SULT1A1: variants seen among roughly 807,000 people sequenced by gnomAD.
SULT1A1 encodes sulfotransferase 1A1.
A neutral mutation model predicts 36.8 loss-of-function variants in SULT1A1; 35 were observed. That is an observed-to-expected ratio of 0.95 (90% CI 0.73 to 1.26). The LOEUF (loss-of-function observed/expected upper bound fraction) is 1.26, where lower values mean the gene tolerates loss of function less well. SULT1A1 is among the 50% of genes most tolerant of loss of function. The probability of loss-of-function intolerance (pLI) is 0.00; values close to 1 mark genes in which losing one functional copy is unlikely to be tolerated. For synonymous variants in SULT1A1, 119 were observed against 146.0 expected (o/e 0.82, Z 1.33); for missense variants, 309 against 383.0 (o/e 0.81, Z 1.61).
In SULT1A1 at chr16:28,608,746, C is replaced by A. The variant is rs72547527; in HGVS notation, c.110G>T (p.Arg37Leu). 2 of 1,612,890 alleles carry A rather than the reference C, an allele frequency of 1.2e-6. No individual in the cohort carries two copies. The highest frequency in any genetic ancestry group is 1.7e-6 in the Non-Finnish European group (2 of 1,179,408). ...ALGPLQSFQARPDDLLISTYP... is the reference protein window; with the variant it reads ...ALGPLQSFQALPDDLLISTYP... Reference sequence around the variant, plus strand: ...GGTGCTGATGAGCAGGTCATCAGGCCGGGCCTGGAAGCTCTGCAGGGGCCC... The same window carrying A: ...GGTGCTGATGAGCAGGTCATCAGGCAGGGCCTGGAAGCTCTGCAGGGGCCC... Residue 37 changes from arginine to leucine, a missense_variant, in exon 2 of 8, where the codon CGG becomes CTG. Transcript: ENST00000314752.
At chr16:28,623,288 C>T (rs2047695109) in exon 1 of SULT1A1, 5 of 1,539,904 alleles carry the variant, frequency 3.2e-6, no homozygotes, top group South Asian at 1.2e-5. Context: ...CCAACGTGGC[C>T]ACGCGCCGCG....
intron 4 of SULT1A1, chr16:28,608,083 G>A (rs2047287963): frequency 1.4e-6 from 1 of 706,426 alleles, no homozygotes; most frequent in Admixed American, 3.1e-5. Flanking sequence ...CTTCTCCCGG[G>A]TTCAAGTGAT....
rs41278154 is a variant in SULT1A1 at position 28,608,751 on chromosome 16, C to T, written c.105G>A (p.Gln35=). The T allele has an allele frequency of 6.8e-5, 109 of 1,612,704 alleles. 1 individual carries two copies. The highest frequency in any genetic ancestry group is 3.5e-4 in the Middle Eastern group (2 of 5,742). ...TGATGAGCAGGTCATCAGGCCGGGCCTGGAAGCTCTGCAGGGGCCCCAGTG... is the reference window on the plus strand; with the variant it reads ...TGATGAGCAGGTCATCAGGCCGGGCTTGGAAGCTCTGCAGGGGCCCCAGTG... ...AEALGPLQSF[Q]ARPDDLLIST... The change falls in exon 2 of 8, where the codon CAG becomes CAA. Residue 35 remains glutamine, a synonymous_variant. Transcript: ENST00000314752.
chr16:28,623,115 C>CG, intron 1 of SULT1A1: 1 of 1,524,018 alleles, frequency 6.6e-7, no homozygotes, highest in Non-Finnish European at 8.8e-7. Flanking sequence ...CCCAGGTTCC[C>CG]CCCCCGGCCC....
rs779823375 is a variant in SULT1A1, at chr16:28,609,962, C to A, written c.-36G>T. On this transcript the variant is annotated 5_prime_UTR_variant, in exon 1 of 8. Coordinates refer to ENST00000314752, the MANE Select transcript of SULT1A1 (RefSeq NM_001055.4). ...TCTTGGGAACCTGGCCTCGTGCCCT[C>A]CTCGCCCGCAGTGGCTGATTGTGGG... The A allele has an allele frequency of 7.8e-7, 1 of 1,288,180 alleles. No homozygotes were observed. The highest frequency in any genetic ancestry group is 1.0e-6 in the Non-Finnish European group (1 of 987,548). The allele number at this position is 1,288,180 out of a possible 1,614,324, so 79.8% of individuals were successfully genotyped here.
chr16:28,622,071 G>C (rs1048725016), intron 1 of SULT1A1, among the ~76,000 whole-genome samples: 1 of 152,190 alleles, frequency 6.6e-6, no homozygotes, highest in Non-Finnish European at 1.5e-5. Flanking sequence ...AGAAGCTATA[G>C]CTTCATGACT....
intron 1 of SULT1A1, among the ~76,000 whole-genome samples, chr16:28,622,083 T>TAACCTATGC (rs2047667580): frequency 6.6e-6 from 1 of 152,158 alleles, no homozygotes; most frequent in African/African-American, 2.4e-5. Context: ...TTCATGACTA[T>TAACCTATGC]AACCTATGCA....
rs1451165246 is a variant in SULT1A1 at position 28,608,274 on chromosome 16, A to G, written c.372+17T>C. 1.9e-6 allele frequency: 3 copies of G among 1,611,650 alleles called. No individual in the cohort carries two copies. In the South Asian group the frequency reaches 3.3e-5, roughly 18 times the overall value. On this transcript the variant is annotated intron_variant, in intron 4 of 7. Transcript: ENST00000314752. ...AGTGCTGGGATTATGGATGTGAAAC[A>G]CTGTGCCCTGCCTCACCTTGACCTT...
At chr16:28,608,098 C>G (rs538160104) in intron 4 of SULT1A1, 193 bp downstream of exon 4, 72 of 786,666 alleles carry the variant, frequency 9.2e-5, no homozygotes, top group Non-Finnish European at 1.4e-4. Context: ...AGTGATTCTC[C>G]TGTCTCAGGC....
At chr16:28,620,563 C>CAAAAAAAAAAAAAAAAAAAAA (rs5816469) in intron 1 of SULT1A1, among the ~76,000 whole-genome samples, 1 of 90,840 alleles carries the variant, frequency 1.1e-5, no homozygotes, top group Non-Finnish European at 2.2e-5. Context: ...GACCCTGTCT[C>CAAAAAAAAAAAAAAAAAAAAA]AAAAAAAAAA....
chr16:28,623,086 C>T (rs756781109), intron 1 of SULT1A1: 3 of 1,465,840 alleles, frequency 2.0e-6, no homozygotes, highest in Non-Finnish European at 2.8e-6. Flanking sequence ...CCTCCAGTCC[C>T]CCAATACTGG....
chr16:28,617,935 T>C (rs1267363673), intron 2 of SULT1A1, among the ~76,000 whole-genome samples: 1 of 152,188 alleles, frequency 6.6e-6, no homozygotes, highest in Non-Finnish European at 1.5e-5. Context: ...TGAGACTCAC[T>C]CATTGTAACC....
intron 1 of SULT1A1, among the ~76,000 whole-genome samples, chr16:28,620,426 T>A: frequency 6.6e-6 from 1 of 151,164 alleles, no homozygotes. Flanking sequence ...ATTAGCCAGG[T>A]GTGGTGGTGT....
upstream of SULT1A1, chr16:28,610,262 CTGTTTTTTTTTT>C: frequency 3.8e-5 from 9 of 239,676 alleles, no homozygotes; most frequent in Non-Finnish European, 4.9e-5. Flanking sequence ...TTTTTTTTTT[CTGTTTTTTTTTT>C]TTTTTTTTTT....
chr16:28,617,189 T>C (rs1261676816), intron 2 of SULT1A1, among the ~76,000 whole-genome samples: 1 of 151,980 alleles, frequency 6.6e-6, no homozygotes, highest in African/African-American at 2.4e-5. Flanking sequence ...CTCATTTTTG[T>C]ATTTGTGGAG....
At chr16:28,609,564 T>C (rs2047367962) in intron 1 of SULT1A1, 3 of 452,386 alleles carry the variant, frequency 6.6e-6, no homozygotes, top group South Asian at 2.0e-5. Flanking sequence ...TGGTGCAGCA[T>C]TGCAAGACCC....
Position 28,606,950 on chromosome 16 carries a change from CCTT to C in SULT1A1, c.497_499del (p.Glu166del). On this transcript the variant is annotated inframe_deletion and splice_region_variant, in exon 5 of 8. Coordinates refer to ENST00000314752, the MANE Select transcript of SULT1A1 (RefSeq NM_001055.4). Reference sequence around the variant, plus strand: ...ACTTTCCTTCCTCCCATCAAACCCACCTTCTCCGACCATGAACTTCTCCAGGAA... The same window carrying C: ...ACTTTCCTTCCTCCCATCAAACCCACCTCCGACCATGAACTTCTCCAGGAA... 6.2e-7 allele frequency: 1 copy of C among 1,612,530 alleles called. No individual in the cohort carries two copies. The highest frequency in any genetic ancestry group is 8.5e-7 in the Non-Finnish European group (1 of 1,178,710).
chr16:28,622,198 G>A (rs1212980287), intron 1 of SULT1A1, among the ~76,000 whole-genome samples: 1 of 151,438 alleles, frequency 6.6e-6, no homozygotes, highest in African/African-American at 2.4e-5. Context: ...CTCTTTCTCT[G>A]GGGGACACAC....
intron 4 of SULT1A1, chr16:28,607,811 T>C (rs2925630): frequency 0.34 from 51,421 of 151,192 alleles, 9,002 homozygotes; most frequent in Admixed American, 0.4. Flanking sequence ...ACTACAGCGC[T>C]ATGCCACCAT....
Sources: gnomAD v4.1 joint callset for allele counts (sites outside exome capture counted in the v4.1 genomes callset) on GRCh38, gnomAD v4.1.1 for gene constraint, MANE v1.5 for transcripts, NCBI Gene and HGNC (gene_info 2026-07-23, HGNC 2026-07-21) for gene names.